The following ZNF836 variants were observed in gnomAD, a reference collection of about 807,000 sequenced individuals.
ZNF836 encodes zinc finger protein 836.
ZNF836 carries 12 observed loss-of-function variants against 7.4 expected under a neutral mutation model. The ratio of observed to expected loss-of-function variants is 1.61; its 90% CI spans 1.03 to 2.61. ZNF836 has a LOEUF of 2.61. Among genes scored for constraint, ZNF836 ranks in the 30% most tolerant of loss-of-function variants. The pLI, the probability that ZNF836 is intolerant of heterozygous loss-of-function variation, is 0.00. For synonymous variants in ZNF836, 365 were observed against 382.6 expected (o/e 0.95, Z 0.54); for missense variants, 998 against 1,126.2 (o/e 0.89, Z 1.63).
chr19:52,164,146 C>T, intron 3 of ZNF836, among the ~76,000 whole-genome samples: 1 of 151,700 alleles, frequency 6.6e-6, no homozygotes, highest in East Asian at 2.0e-4. Context: ...AATCCCAGCA[C>T]TTTGGGGAGC....
intron 3 of ZNF836, among the ~76,000 whole-genome samples, chr19:52,163,413 T>A (rs529230738): frequency 3.9e-5 from 6 of 152,220 alleles, no homozygotes; most frequent in Non-Finnish European, 8.8e-5. Context: ...AGAGAAGCCA[T>A]GCAGCAACCT....
In ZNF836 at chr19:52,156,482, G is replaced by A. The variant is rs1218612453; in HGVS notation, c.1201C>T (p.Leu401=). 6.2e-7 allele frequency: 1 copy of A among 1,614,020 alleles called. No individual in the cohort carries two copies. Among genetic ancestry groups the A allele is most frequent in the Non-Finnish European group, 8.5e-7 (1 of 1,180,046 alleles). ...CTATGAACTGTCTGATGAGTTGCCA[G>A]GTTGGAACTTTGACTAAAGGACTTT... ...CGKSFSQSSN[L]ATHQTVHSGN... is the part of the protein sequence containing the mutation. The change falls in exon 5 of 5, where the codon CTG becomes TTG. Residue 401 remains leucine, a synonymous_variant. Transcript: ENST00000682614.
At chr19:52,163,974 C>T (rs1421701056) in intron 3 of ZNF836, among the ~76,000 whole-genome samples, 2 of 143,334 alleles carry the variant, frequency 1.4e-5, no homozygotes, top group Non-Finnish European at 3.0e-5. Flanking sequence ...GATCGTTCTA[C>T]TGAACTCCAG....
rs2089131303 is a variant in ZNF836 at position 52,154,366 on chromosome 19, C to G, written c.*506G>C. On this transcript the variant is annotated 3_prime_UTR_variant, in exon 5 of 5. Transcript: ENST00000682614. Reference sequence around the variant, plus strand: ...TGCCTAACGTGCCATACACTTTTAACCAACAAGATCTCAGCCAGGCGCAGT... The same window carrying G: ...TGCCTAACGTGCCATACACTTTTAAGCAACAAGATCTCAGCCAGGCGCAGT... Among the ~76,000 whole-genome samples, 1 of 151,812 alleles carries G rather than the reference C, an allele frequency of 6.6e-6. No individual in the cohort carries two copies. Among genetic ancestry groups the G allele is most frequent in the Non-Finnish European group, 1.5e-5 (1 of 67,944 alleles).
Position 52,168,170 on chromosome 19 carries a change from G to T in ZNF836, c.-80-18C>A. 1 of 1,498,020 alleles carries T rather than the reference G, an allele frequency of 6.7e-7. No individual in the cohort carries two copies. 92.8% of individuals were successfully genotyped at this position (1,498,020 alleles called of 1,614,324 possible). A position where few individuals can be genotyped will look rare whatever the true frequency, so the allele number is the denominator to read the frequency against. On this transcript the variant is annotated intron_variant, in intron 2 of 4. Coordinates refer to ENST00000682614, the MANE Select transcript of ZNF836 (RefSeq NM_001102657.3). ...AGTCAAATCTGAAAGTGAAAAATCT[G>T]TTGTTTAATGCTTGGAAACAACACA... is the stretch of plus-strand genomic sequence containing the variant.
intron 3 of ZNF836, among the ~76,000 whole-genome samples, chr19:52,162,537 C>T (rs181364828): frequency 1.2e-4 from 18 of 152,182 alleles, no homozygotes; most frequent in East Asian, 1.2e-3. Context: ...AGCGGGTGAA[C>T]GCGGGAATAA....
rs1296017288 is a variant in ZNF836, at chr19:52,157,098, A to T, written c.585T>A (p.Tyr195Ter). The T allele has an allele frequency of 1.2e-6, 2 of 1,613,826 alleles. No homozygotes were observed. The highest frequency in any genetic ancestry group is 3.3e-5 in the Admixed American group (2 of 60,010). ...PSVQTNISKK[Y>*]ENEFLQLSLP... ...ATGACAGCTGCAAAAACTCATTCTCATATTTTTTAGAAATGTTGGTTTGGA... is the reference window on the plus strand; with the variant it reads ...ATGACAGCTGCAAAAACTCATTCTCTTATTTTTTAGAAATGTTGGTTTGGA... Residue 195 changes from tyrosine to a stop codon, truncating the protein, a stop_gained, in exon 5 of 5, where the codon TAT (tyrosine) becomes TAA (stop). Transcript: ENST00000682614. LOFTEE classifies it low-confidence loss of function (END_TRUNC).
At chr19:52,162,997 AG>A (rs1390137922) in intron 3 of ZNF836, among the ~76,000 whole-genome samples, 1 of 152,122 alleles carries the variant, frequency 6.6e-6, no homozygotes, top group Non-Finnish European at 1.5e-5. Context: ...CTTCAGTCAT[AG>A]GTGGGGTAGC....
In ZNF836 at chr19:52,162,157, C is replaced by T. The variant is rs148601060; in HGVS notation, c.16-1566G>A. Among the ~76,000 whole-genome samples, 459 of 152,336 alleles carry T rather than the reference C, an allele frequency of 3.0e-3. 4 individuals carry two copies. The highest frequency in any genetic ancestry group is 0.01 in the African/African-American group (435 of 41,560). On this transcript the variant is annotated intron_variant, in intron 3 of 4. Transcript: ENST00000682614. ...TGGGATCACCCCACATGGAAGTTCT[C>T]ACAGTGCCTGCAGCTCTCCCGAGCT...
At position 52,166,637 on chromosome 19, in the gene ZNF836, G is replaced by A. The variant is rs1474485766; in HGVS notation, c.15+1421C>T. Among the ~76,000 whole-genome samples, 3 of 146,108 alleles carry A rather than the reference G, an allele frequency of 2.1e-5. No individual in the cohort carries two copies. In the South Asian group the frequency reaches 6.5e-4, roughly 31 times the overall value. ...CGCCCAGGCTGGAGTGCAGTGGCAC[G>A]ATCTCGGCTCACTGCAAGCTCCACC... On this transcript the variant is annotated intron_variant, in intron 3 of 4. Transcript: ENST00000682614.
rs762115893 is a variant in ZNF836, at chr19:52,156,298, C to T, written c.1385G>A (p.Arg462Lys). ...GTAAGGTTTCTCTCCAGTATGACTT[C>T]TCTGGTGCCTTGCAAGTTGTGAACG... is the stretch of plus-strand genomic sequence containing the variant. ...SQRSQLARHQ[R>K]SHTGEKPYKC... The change falls in exon 5 of 5, where the codon AGA becomes AAA. Residue 462 changes from arginine to lysine, a missense_variant. Coordinates refer to ENST00000682614, the MANE Select transcript of ZNF836 (RefSeq NM_001102657.3). The T allele has an allele frequency of 6.2e-7, 1 of 1,614,100 alleles. No individual in the cohort carries two copies. Among genetic ancestry groups the T allele is most frequent in the East Asian group, 2.2e-5 (1 of 44,856 alleles).
chr19:52,169,887 G>A (rs2089295406), intron 1 of ZNF836, 106 bp from the exon 2 acceptor site: 1 of 151,890 alleles, frequency 6.6e-6, no homozygotes, highest in African/African-American at 2.4e-5. Flanking sequence ...CCCATCCCAG[G>A]GAAGAAAAGA....
At position 52,156,513 on chromosome 19, in the gene ZNF836, T is replaced by C. The variant is rs1363526244; in HGVS notation, c.1170A>G (p.Ile390Met). The C allele has an allele frequency of 6.2e-7, 1 of 1,614,100 alleles. No individual in the cohort carries two copies. The highest frequency in any genetic ancestry group is 1.3e-5 in the African/African-American group (1 of 74,928). ...AACTTTGACTAAAGGACTTTCCACA[T>C]ATGTTGCATTTGTATGGTTTCTCTC... ...HTGEKPYKCN[I>M]CGKSFSQSSN... Residue 390 changes from isoleucine to methionine, a missense_variant, in exon 5 of 5, where the codon ATA becomes ATG. By Grantham distance (10) the Ile-to-Met change is conservative. Transcript: ENST00000682614.
intron 3 of ZNF836, 68 bp from the exon 4 acceptor site, chr19:52,160,659 G>A (rs2089205907): frequency 2.7e-6 from 4 of 1,508,152 alleles, no homozygotes; most frequent in Admixed American, 2.3e-5. Context: ...AATGAGAAGA[G>A]GAGAGAACTG....
At chr19:52,162,414 C>T (rs962619965) in intron 3 of ZNF836, among the ~76,000 whole-genome samples, 1 of 152,230 alleles carries the variant, frequency 6.6e-6, no homozygotes, top group African/African-American at 2.4e-5. Flanking sequence ...TGGAAGTAAC[C>T]GTGAGTCCAC....
Position 52,155,304 on chromosome 19 carries a change from T to G in ZNF836, c.2379A>C (p.Leu793=). 1 of 1,614,016 alleles carries G rather than the reference T, an allele frequency of 6.2e-7. No homozygotes were observed. Among genetic ancestry groups the G allele is most frequent in the Non-Finnish European group, 8.5e-7 (1 of 1,179,984 alleles). The part of the protein sequence containing the change: ...CGKVFRHQST[L]ARHRSIHTGE... ...CAGTATGAATACTCCGATGACGTGC[T>G]AGTGTTGATTGATGACGAAAGACCT... Residue 793 remains leucine (L), a synonymous_variant, in exon 5 of 5, where the codon CTA becomes CTC. Coordinates refer to ENST00000682614, the MANE Select transcript of ZNF836 (RefSeq NM_001102657.3).
chr19:52,160,239 G>A, intron 4 of ZNF836: 1 of 586,762 alleles, frequency 1.7e-6, no homozygotes, highest in South Asian at 2.1e-5. Flanking sequence ...TTAAATATGG[G>A]AATTCTACTA....
Position 52,168,082 on chromosome 19 carries a change from C to T in ZNF836, c.-10G>A, listed in dbSNP as rs1373441122. The T allele has an allele frequency of 3.1e-6, 5 of 1,611,770 alleles. No individual in the cohort carries two copies. The highest frequency in any genetic ancestry group is 4.2e-6 in the Non-Finnish European group (5 of 1,178,608). ...CCTGTGTAAGAGCCATCCCTGACTC[C>T]TTTTCTTTCCTCTTCTTCCTCTTCT... On this transcript the variant is annotated 5_prime_UTR_variant, in exon 3 of 5. Transcript: ENST00000682614.
At position 52,156,634 on chromosome 19, in the gene ZNF836, A is replaced by G; in HGVS notation, c.1049T>C (p.Ile350Thr). ...ATATGGTTTCTCTCCTGTATGGATT[A>G]TCTGATGTGTAGTGAGGCATGAGCC... ...KQGSCLTTHQ[I>T]IHTGEKPYQC... is the part of the protein sequence containing the mutation. The change falls in exon 5 of 5, where the codon ATA (isoleucine) becomes ACA (threonine). Residue 350 changes from isoleucine to threonine, a missense_variant. Transcript: ENST00000682614. 1.9e-6 allele frequency: 3 copies of G among 1,613,406 alleles called. No individual in the cohort carries two copies. The highest frequency in any genetic ancestry group is 2.2e-5 in the East Asian group (1 of 44,874).
Sources: allele counts gnomAD v4.1 joint callset (sites outside exome capture counted in the v4.1 genomes callset), GRCh38; gene constraint gnomAD v4.1.1; transcripts MANE v1.5; gene names NCBI Gene and HGNC (gene_info 2026-07-23, HGNC 2026-07-21).